The following CYP19A1 variants were observed in gnomAD, a reference collection of about 807,000 sequenced individuals.
CYP19A1 encodes the protein aromatase.
In CYP19A1, 32 loss-of-function variants were observed where a neutral mutation model predicts 44.4. The ratio of observed to expected loss-of-function variants is 0.72; its 90% CI spans 0.54 to 0.97. The LOEUF is 0.97. Ranked by LOEUF, CYP19A1 falls within the 50% of genes least tolerant of loss-of-function variation. The probability of loss-of-function intolerance (pLI) is 0.00; values close to 1 mark genes in which losing one functional copy is unlikely to be tolerated. For missense variants in CYP19A1, 598 were observed against 637.8 expected (o/e 0.94, Z 0.67); for synonymous variants, 212 against 215.6 (o/e 0.98, Z 0.14).
rs28757206 is a variant in CYP19A1, at chr15:51,210,730, C to T, written c.*78G>A. 21 of 941,600 alleles carry T rather than the reference C, an allele frequency of 2.2e-5. No homozygotes were observed. Among genetic ancestry groups the T allele is most frequent in the African/African-American group, 2.1e-4 (13 of 62,470 alleles). The allele number at this position is 941,600 out of a possible 1,614,324, so 58.3% of individuals were successfully genotyped here. On this transcript the variant is annotated 3_prime_UTR_variant, in exon 10 of 10. Coordinates refer to ENST00000396402, the MANE Select transcript of CYP19A1 (RefSeq NM_000103.4). The stretch of plus-strand genomic sequence containing the variant: ...CACTGAGTGTTCACTGTGAGGATGA[C>T]ACTATTGGCAAGGATGGATGATTTG...
rs778081277 is a variant in CYP19A1, at chr15:51,211,044, A to G, written c.1276T>C (p.Tyr426His). 1 of 1,583,660 alleles carries G rather than the reference A, an allele frequency of 6.3e-7. No homozygotes were observed. The highest frequency in any genetic ancestry group is 1.1e-5 in the South Asian group (1 of 90,462). Residue 426 changes from tyrosine to histidine, a missense_variant, in exon 10 of 10, where the codon TAC (tyrosine) becomes CAC (histidine). Coordinates refer to ENST00000396402, the MANE Select transcript of CYP19A1 (RefSeq NM_000103.4). ...GGCCCAAAGCCAAATGGCTGAAAGT[A>G]CCTATAAGGAACCTATGAAAATGAT... ...ENFAKNVPYR[Y>H]FQPFGFGPRG...
chr15:51,212,330 A>G lies in CYP19A1; in HGVS notation c.1253T>C (p.Phe418Ser), dbSNP rs772383301. 2 of 1,600,642 alleles carry G rather than the reference A, an allele frequency of 1.2e-6. No individual in the cohort carries two copies. The highest frequency in any genetic ancestry group is 1.1e-5 in the South Asian group (1 of 90,836). The change falls in exon 9 of 10, where the codon TTT (phenylalanine) becomes TCT (serine). Residue 418 changes from phenylalanine (F) to serine (S), a missense_variant. Phe to Ser is a radical substitution (Grantham distance 155). Transcript: ENST00000396402. ...PKPNEFTLEN[F>S]AKNVPYRYFQ... is the part of the protein sequence containing the mutation. ...AGGAAGGGCTCTTACATTCTTTGCAAAATTTTCAAGAGTAAATTCATTGGG... is the reference window on the plus strand; with the variant it reads ...AGGAAGGGCTCTTACATTCTTTGCAGAATTTTCAAGAGTAAATTCATTGGG...
At chr15:51,249,913 TTC>T (rs1414087204) in intron 1 of CYP19A1, among the ~76,000 whole-genome samples, 3 of 152,212 alleles carry the variant, frequency 2.0e-5, no homozygotes, top group African/African-American at 7.2e-5. Flanking sequence ...ACACTTGAGG[TTC>T]CAGTTATTCT....
At chr15:51,249,129 A>G (rs999970373) in intron 1 of CYP19A1, among the ~76,000 whole-genome samples, 1 of 151,942 alleles carries the variant, frequency 6.6e-6, no homozygotes, top group Admixed American at 6.6e-5. Flanking sequence ...TAGTAGAGAC[A>G]GAGTTATCAT....
chr15:51,331,785 A>C (rs1170948483), intron 1 of CYP19A1, among the ~76,000 whole-genome samples: 1 of 152,074 alleles, frequency 6.6e-6, no homozygotes, highest in Non-Finnish European at 1.5e-5. Context: ...TGCTCTTTAC[A>C]TTTCATTTTG....
At chr15:51,252,317 T>C (rs2034346161) in intron 1 of CYP19A1, among the ~76,000 whole-genome samples, 1 of 152,028 alleles carries the variant, frequency 6.6e-6, no homozygotes. Flanking sequence ...TAAAGCCCAA[T>C]CCAAAGACCT....
At chr15:51,237,777 A>T (rs1186393269) in intron 2 of CYP19A1, among the ~76,000 whole-genome samples, 4 of 152,236 alleles carry the variant, frequency 2.6e-5, no homozygotes, top group Non-Finnish European at 1.5e-5. Flanking sequence ...TCCAGGGAAC[A>T]ACTGGGGAAT....
At chr15:51,239,218 A>G (rs922257896) in intron 2 of CYP19A1, among the ~76,000 whole-genome samples, 10 of 152,204 alleles carry the variant, frequency 6.6e-5, no homozygotes, top group African/African-American at 2.4e-4. Flanking sequence ...ACTTTGCTGC[A>G]TTTTTGTACA....
At chr15:51,299,658 C>G (rs2140999721) in intron 1 of CYP19A1, among the ~76,000 whole-genome samples, 1 of 152,368 alleles carries the variant, frequency 6.6e-6, no homozygotes, top group Non-Finnish European at 1.5e-5. Context: ...TGAGCACCCT[C>G]AGTGAGAAGT....
rs77188975 is a variant in CYP19A1 at position 51,264,158 on chromosome 15, G to A, written c.-38-21208C>T. Reference sequence around the variant, plus strand: ...GGCTGGAGAACTGCTGTAGAGAAGGGACTTGAGCAAGGGAGCTGGAGGGTG... The same window carrying A: ...GGCTGGAGAACTGCTGTAGAGAAGGAACTTGAGCAAGGGAGCTGGAGGGTG... On this transcript the variant is annotated intron_variant, in intron 1 of 9. Coordinates refer to ENST00000396402, the MANE Select transcript of CYP19A1 (RefSeq NM_000103.4). 8.2e-3 allele frequency among the ~76,000 whole-genome samples: 1,254 copies of A among 152,292 alleles called. 22 individuals are homozygous for A. The highest frequency in any genetic ancestry group is 0.029 in the African/African-American group (1,198 of 41,540).
chr15:51,278,453 C>T (rs1458857414), intron 1 of CYP19A1, among the ~76,000 whole-genome samples: 1 of 152,066 alleles, frequency 6.6e-6, no homozygotes, highest in African/African-American at 2.4e-5. Flanking sequence ...TAGACATATG[C>T]CGTAAAAATA....
chr15:51,335,320 G>A (rs750320482), intron 1 of CYP19A1, among the ~76,000 whole-genome samples: 1 of 152,134 alleles, frequency 6.6e-6, no homozygotes, highest in African/African-American at 2.4e-5. Context: ...TACGATAGGC[G>A]GAAATCTGTT....
intron 1 of CYP19A1, among the ~76,000 whole-genome samples, chr15:51,326,950 A>G (rs189338503): frequency 2.4e-4 from 36 of 152,326 alleles, no homozygotes; most frequent in African/African-American, 7.9e-4. Flanking sequence ...ATGACCATAC[A>G]GGTAGTTGTG....
In CYP19A1 at chr15:51,242,852, T is replaced by C. The variant is rs748740108; in HGVS notation, c.61A>G (p.Met21Val). ...YNITSIVPEA[M>V]PAATMPVLLL... ...AGGACTGGCATGGTGGCAGCAGGCA[T>C]GGCTTCAGGCACGATGCTGGTGATG... The change falls in exon 2 of 10, where the codon ATG becomes GTG. Residue 21 changes from methionine (M) to valine (V), a missense_variant. Met to Val is a conservative substitution (Grantham distance 21). Coordinates refer to ENST00000396402, the MANE Select transcript of CYP19A1 (RefSeq NM_000103.4). The C allele has an allele frequency of 6.2e-7, 1 of 1,602,028 alleles. No individual in the cohort carries two copies. The highest frequency in any genetic ancestry group is 1.1e-5 in the South Asian group (1 of 90,800).
chr15:51,316,679 GAGC>G (rs1258465234), intron 1 of CYP19A1, among the ~76,000 whole-genome samples: 3 of 150,864 alleles, frequency 2.0e-5, no homozygotes, highest in Non-Finnish European at 2.9e-5. Flanking sequence ...AGGAGTTGGA[GAGC>G]AGCCTGGGCA....
intron 1 of CYP19A1, among the ~76,000 whole-genome samples, chr15:51,313,820 G>A (rs900970190): frequency 6.6e-6 from 1 of 151,694 alleles, no homozygotes. Context: ...AACCTCAAAA[G>A]GATCACACAA....
intron 6 of CYP19A1, among the ~76,000 whole-genome samples, chr15:51,217,113 T>G (rs1205244628): frequency 6.6e-6 from 1 of 152,220 alleles, no homozygotes; most frequent in African/African-American, 2.4e-5. Context: ...AGAACAGATA[T>G]TCACTCAGCT....
At position 51,297,270 on chromosome 15, in the gene CYP19A1, C is replaced by G. The variant is rs547765895; in HGVS notation, c.-39+41225G>C. On this transcript the variant is annotated intron_variant, in intron 1 of 9. Transcript: ENST00000396402. Reference sequence around the variant, plus strand: ...AGACAGGCCCAGACTCCAAACAGCCCGGCCAGCCCTCTCCCTCATCTCCAC... The same window carrying G: ...AGACAGGCCCAGACTCCAAACAGCCGGGCCAGCCCTCTCCCTCATCTCCAC... Among the ~76,000 whole-genome samples the G allele has an allele frequency of 3.3e-5, 5 of 152,302 alleles. No homozygotes were observed. The South Asian group carries it at 1.0e-3, about 32-fold the overall frequency.
At chr15:51,280,884 G>C (rs956279419) in intron 1 of CYP19A1, among the ~76,000 whole-genome samples, 11 of 152,210 alleles carry the variant, frequency 7.2e-5, no homozygotes, top group Non-Finnish European at 1.5e-4. Context: ...CTGCTGGGAA[G>C]CTGCCCAGCC....
Sources: gnomAD v4.1 joint callset for allele counts (sites outside exome capture counted in the v4.1 genomes callset) on GRCh38, gnomAD v4.1.1 for gene constraint, MANE v1.5 for transcripts, NCBI Gene and HGNC (gene_info 2026-07-23, HGNC 2026-07-21) for gene names.